The following PTPRM variants were observed in gnomAD, a reference collection of about 807,000 sequenced individuals.
The protein encoded by PTPRM is protein tyrosine phosphatase receptor type M.
A neutral mutation model predicts 186.7 loss-of-function variants in PTPRM; 47 were observed. That is an observed-to-expected ratio of 0.25 (90% confidence interval 0.20 to 0.32). The LOEUF (loss-of-function observed/expected upper bound fraction) is 0.32. Ranked by LOEUF, PTPRM falls within the 10% of genes least tolerant of loss-of-function variation. PTPRM has a pLI of 1.00. For missense variants in PTPRM, 1,494 were observed against 1,865.0 expected, an observed-to-expected ratio of 0.80 and a Z score of 3.66; for synonymous variants, 668 against 674.9, an observed-to-expected ratio of 0.99 and a Z score of 0.16.
chr18:7,835,539 A>G (rs1162536636), intron 2 of PTPRM, among the ~76,000 whole-genome samples: 2 of 152,126 alleles, frequency 1.3e-5, no homozygotes, highest in Non-Finnish European at 2.9e-5. Flanking sequence ...TGAGGAAAAG[A>G]ATGTGTATTC....
At chr18:7,984,015 CTG>C (rs1185424894) in intron 7 of PTPRM, among the ~76,000 whole-genome samples, 1 of 152,146 alleles carries the variant, frequency 6.6e-6, no homozygotes, top group African/African-American at 2.4e-5. Context: ...ATGAATGAAA[CTG>C]TAACTTGTTA....
intron 7 of PTPRM, among the ~76,000 whole-genome samples, chr18:8,014,421 T>C (rs946995500): frequency 2.6e-5 from 4 of 152,168 alleles, no homozygotes; most frequent in Non-Finnish European, 5.9e-5. Flanking sequence ...TGTTAAAAAG[T>C]ACATCCTTTC....
chr18:8,046,531 C>T (rs718274), intron 7 of PTPRM, among the ~76,000 whole-genome samples: 11,024 of 152,114 alleles, frequency 0.072, 515 homozygotes, highest in Middle Eastern at 0.27. Context: ...AAATCAGTTC[C>T]CAACTTGCAG....
intron 2 of PTPRM, among the ~76,000 whole-genome samples, chr18:7,828,292 A>G (rs1488734912): frequency 6.6e-6 from 1 of 150,774 alleles, no homozygotes; most frequent in Non-Finnish European, 1.5e-5. Flanking sequence ...TTTAGGGTAC[A>G]TGTGCACAAT....
chr18:8,286,144 G>A (rs2094954616), intron 19 of PTPRM, among the ~76,000 whole-genome samples: 1 of 152,226 alleles, frequency 6.6e-6, no homozygotes, highest in Non-Finnish European at 1.5e-5. Context: ...AAGACCTCGT[G>A]AGTTGCTGCT....
intron 5 of PTPRM, among the ~76,000 whole-genome samples, chr18:7,930,060 G>T (rs1032717995): frequency 2.6e-5 from 4 of 152,046 alleles, no homozygotes; most frequent in South Asian, 2.1e-4. Context: ...TGGTGTTTTT[G>T]AATATAATCA....
At position 7,918,078 on chromosome 18, in the gene PTPRM, TTGTGTG is replaced by T. The variant is rs35838540; in HGVS notation, c.548-8468_548-8463del. Among the ~76,000 whole-genome samples the T allele has an allele frequency of 7.4e-3, 1,100 of 148,096 alleles. 12 individuals carry two copies. Among genetic ancestry groups the T allele is most frequent in the African/African-American group, 0.026 (1,041 of 39,708 alleles). ...TATGAGATATTGTGTTCTTGTGTGT[TTGTGTG>T]TGTGTGTGTGTGTGTGTGTGTATGT... is the stretch of plus-strand genomic sequence containing the variant. On this transcript the variant is annotated intron_variant, in intron 4 of 32. Transcript: ENST00000580170.
chr18:8,235,023 A>G (rs1199656879), intron 14 of PTPRM, among the ~76,000 whole-genome samples: 1 of 152,106 alleles, frequency 6.6e-6, no homozygotes, highest in African/African-American at 2.4e-5. Flanking sequence ...TGTTTTCATG[A>G]GAAATTATGG....
At chr18:8,225,811 A>C (rs927554008) in intron 14 of PTPRM, among the ~76,000 whole-genome samples, 3 of 152,230 alleles carry the variant, frequency 2.0e-5, no homozygotes, top group Non-Finnish European at 2.9e-5. Flanking sequence ...CAAAATTATA[A>C]ATTTCTGTAT....
intron 11 of PTPRM, among the ~76,000 whole-genome samples, chr18:8,112,907 TC>T (rs2091819521): frequency 6.6e-6 from 1 of 152,178 alleles, no homozygotes; most frequent in Non-Finnish European, 1.5e-5. Context: ...GAAACTATAA[TC>T]CCTTATCTCT....
At chr18:8,355,791 A>G (rs1029152628) in intron 23 of PTPRM, among the ~76,000 whole-genome samples, 2 of 152,242 alleles carry the variant, frequency 1.3e-5, no homozygotes, top group African/African-American at 4.8e-5. Context: ...GTTGATGTGA[A>G]GAGTAAGGCT....
At chr18:8,085,954 C>T in intron 10 of PTPRM, 82 bp downstream of exon 10, 1 of 1,309,590 alleles carries the variant, frequency 7.6e-7, no homozygotes, top group Non-Finnish European at 1.1e-6. Flanking sequence ...GTATGCCAAG[C>T]TCGCCCACAC....
chr18:8,295,014 A>G (rs2095080829), intron 19 of PTPRM, among the ~76,000 whole-genome samples: 1 of 152,182 alleles, frequency 6.6e-6, no homozygotes, highest in Non-Finnish European at 1.5e-5. Context: ...GACTTGACAA[A>G]CTATGTAACT....
chr18:7,816,169 T>A (rs976181956), intron 2 of PTPRM, among the ~76,000 whole-genome samples: 3 of 152,182 alleles, frequency 2.0e-5, no homozygotes, highest in African/African-American at 7.2e-5. Context: ...AGTTAACACA[T>A]CTGATTATAT....
chr18:7,740,770 G>A (rs2040869775), intron 1 of PTPRM, among the ~76,000 whole-genome samples: 1 of 152,182 alleles, frequency 6.6e-6, no homozygotes, highest in Non-Finnish European at 1.5e-5. Flanking sequence ...CAGATGCAAA[G>A]TTGTTTGTCA....
intron 7 of PTPRM, among the ~76,000 whole-genome samples, chr18:8,055,008 A>G (rs969208562): frequency 6.6e-6 from 1 of 152,074 alleles, no homozygotes; most frequent in African/African-American, 2.4e-5. Flanking sequence ...TCAATCTGCC[A>G]TTACTTTGTA....
intron 11 of PTPRM, among the ~76,000 whole-genome samples, chr18:8,093,429 T>G (rs1298472934): frequency 6.6e-6 from 1 of 152,196 alleles, no homozygotes; most frequent in African/African-American, 2.4e-5. Flanking sequence ...CAGCATTTCC[T>G]TTTTTCGTCT....
At chr18:7,573,525 G>A (rs993866142) in intron 1 of PTPRM, among the ~76,000 whole-genome samples, 4 of 152,128 alleles carry the variant, frequency 2.6e-5, no homozygotes, top group African/African-American at 7.2e-5. Context: ...GGTGGTCAGG[G>A]TTTGTAGCCA....
intron 3 of PTPRM, among the ~76,000 whole-genome samples, chr18:7,900,588 A>G (rs1242588877): frequency 2.0e-5 from 3 of 152,196 alleles, no homozygotes; most frequent in South Asian, 2.1e-4. Flanking sequence ...AAGGTATTCT[A>G]TATACATATA....
Sources: gnomAD v4.1 joint callset for allele counts (sites outside exome capture counted in the v4.1 genomes callset) on GRCh38, gnomAD v4.1.1 for gene constraint, MANE v1.5 for transcripts, NCBI Gene and HGNC (gene_info 2026-07-23, HGNC 2026-07-21) for gene names.